The following BMPR2 variants were observed in gnomAD, a reference collection of about 807,000 sequenced individuals.
BMPR2 encodes the protein bone morphogenetic protein receptor type 2, also known as bone morphogenetic protein receptor type-2.
In BMPR2, 29 loss-of-function variants were observed where a neutral mutation model predicts 100.8. That is an observed-to-expected ratio of 0.29 (90% CI 0.21 to 0.39). BMPR2 has a LOEUF of 0.39. Among genes scored for constraint, BMPR2 ranks in the 10% least tolerant of loss-of-function variants. BMPR2 has a pLI of 1.00. For synonymous variants in BMPR2, 382 were observed against 442.3 expected (o/e 0.86, Z 1.71); for missense variants, 1,011 against 1,274.5 (o/e 0.79, Z 3.15).
Position 202,377,523 on chromosome 2 carries a change from A to T in BMPR2, c.49A>T (p.Thr17Ser), listed in dbSNP as rs766753997. ...CTGGCGGGTGCCCTGGCTACCATGG[A>T]CCATCCTGCTGGTCAGCACTGCGGC... ...RPWRVPWLPW[T>S]ILLVSTAAAS... Residue 17 changes from threonine (T) to serine (S), a missense_variant, in exon 1 of 13, where the codon ACC (threonine) becomes TCC (serine). Physicochemically the swap from Thr to Ser is moderately conservative, Grantham distance 58 (BLOSUM62 1). Coordinates refer to ENST00000374580, the MANE Select transcript of BMPR2 (RefSeq NM_001204.7). 3.1e-6 allele frequency: 5 copies of T among 1,613,988 alleles called. No homozygotes were observed. Among genetic ancestry groups the T allele is most frequent in the Non-Finnish European group, 4.2e-6 (5 of 1,180,012 alleles).
chr2:202,552,757 C>T lies in BMPR2; in HGVS notation c.1455C>T (p.Asp485=), dbSNP rs1688504319. 1.2e-6 allele frequency: 2 copies of T among 1,613,894 alleles called. No individual in the cohort carries two copies. The highest frequency in any genetic ancestry group is 2.7e-5 in the African/African-American group (2 of 74,932). Residue 485 remains aspartate, a synonymous_variant, in exon 11 of 13, where the codon GAC becomes GAT. Transcript: ENST00000374580. ...SLKETIEDCW[D]QDAEARLTAQ... ...AGGAGACAATCGAAGACTGTTGGGA[C>T]CAGGATGCAGAGGCTCGGCTTACTG...
chr2:202,416,391 G>A (rs1691125554), intron 1 of BMPR2, among the ~76,000 whole-genome samples: 1 of 151,324 alleles, frequency 6.6e-6, no homozygotes, highest in Non-Finnish European at 1.5e-5. Context: ...CTTCCAAGTA[G>A]CTGGAACTAC....
intron 12 of BMPR2, among the ~76,000 whole-genome samples, chr2:202,558,689 T>A (rs1453873615): frequency 6.7e-6 from 1 of 149,712 alleles, no homozygotes; most frequent in Admixed American, 6.6e-5. Flanking sequence ...AGGTCGGGAG[T>A]TCGAGACCAA....
At chr2:202,494,108 C>T (rs1480428310) in intron 3 of BMPR2, among the ~76,000 whole-genome samples, 1 of 152,190 alleles carries the variant, frequency 6.6e-6, no homozygotes, top group Non-Finnish European at 1.5e-5. Flanking sequence ...CCTATAAAAA[C>T]ATTTGTTCAA....
chr2:202,555,177 A>G, intron 11 of BMPR2, 75 bp from the exon 12 acceptor site: 1 of 1,313,482 alleles, frequency 7.6e-7, no homozygotes, highest in Non-Finnish European at 1.1e-6. Context: ...CTTTAAAATC[A>G]GAGGTGTTAA....
chr2:202,488,997 G>C (rs1202639666), intron 3 of BMPR2, among the ~76,000 whole-genome samples: 1 of 143,032 alleles, frequency 7.0e-6, no homozygotes, highest in South Asian at 2.2e-4. Context: ...CTGTCTTTTT[G>C]TTACTTTTTT....
At chr2:202,486,223 A>G (rs889539534) in intron 3 of BMPR2, among the ~76,000 whole-genome samples, 4 of 152,226 alleles carry the variant, frequency 2.6e-5, no homozygotes, top group Admixed American at 2.6e-4. Context: ...GGAAGGCATA[A>G]TGTCATACAG....
At chr2:202,497,701 C>A (rs1693071323) in intron 3 of BMPR2, among the ~76,000 whole-genome samples, 1 of 152,194 alleles carries the variant, frequency 6.6e-6, no homozygotes, top group Non-Finnish European at 1.5e-5. Context: ...TGACCCTTGC[C>A]CCCTGGGTCC....
chr2:202,535,592 C>G (rs185452659), intron 9 of BMPR2, among the ~76,000 whole-genome samples: 5,336 of 151,712 alleles, frequency 0.035, 133 homozygotes, highest in Middle Eastern at 0.079. Context: ...ACGCTCCCCA[C>G]TTTCCAGACT....
chr2:202,484,413 G>A (rs1280908744), intron 3 of BMPR2, among the ~76,000 whole-genome samples: 2 of 148,574 alleles, frequency 1.3e-5, no homozygotes, highest in Non-Finnish European at 3.0e-5. Context: ...GGTGGCTTAC[G>A]CCTGTAATCC....
chr2:202,537,054 G>T (rs980440903), intron 9 of BMPR2, among the ~76,000 whole-genome samples: 1 of 151,802 alleles, frequency 6.6e-6, no homozygotes, highest in South Asian at 2.1e-4. Flanking sequence ...ATGCCACCAC[G>T]CCCGGCTAGT....
At chr2:202,524,100 C>T (rs1043405484) in intron 7 of BMPR2, among the ~76,000 whole-genome samples, 4 of 152,012 alleles carry the variant, frequency 2.6e-5, no homozygotes, top group Non-Finnish European at 5.9e-5. Flanking sequence ...CGGTGGCTCA[C>T]GCCTGTAATC....
At chr2:202,452,361 C>G (rs1692007799) in intron 1 of BMPR2, among the ~76,000 whole-genome samples, 1 of 152,104 alleles carries the variant, frequency 6.6e-6, no homozygotes. Context: ...ATGGATGTAT[C>G]ACATTTTGTT....
intron 1 of BMPR2, among the ~76,000 whole-genome samples, chr2:202,406,908 C>T (rs1689960308): frequency 1.3e-5 from 2 of 151,912 alleles, no homozygotes; most frequent in Admixed American, 1.3e-4. Flanking sequence ...GAGTCCTGTT[C>T]AGGTGTTATT....
intron 10 of BMPR2, among the ~76,000 whole-genome samples, chr2:202,550,374 C>CAAA (rs71035016): frequency 1.1e-5 from 1 of 94,252 alleles, no homozygotes; most frequent in African/African-American, 3.9e-5. Context: ...CTCCTATCTC[C>CAAA]AAAAAAAAAA....
chr2:202,478,469 G>C (rs765288529), intron 3 of BMPR2, among the ~76,000 whole-genome samples: 2 of 152,206 alleles, frequency 1.3e-5, no homozygotes, highest in Non-Finnish European at 1.5e-5. Flanking sequence ...TAAGTTAACA[G>C]GGCATGGTGG....
At chr2:202,516,404 G>T (rs1667929917) in intron 5 of BMPR2, among the ~76,000 whole-genome samples, 1 of 152,214 alleles carries the variant, frequency 6.6e-6, no homozygotes, top group South Asian at 2.1e-4. Context: ...TGAGTGCTGT[G>T]ACTCACACCT....
At chr2:202,399,487 A>G (rs1203175384) in intron 1 of BMPR2, among the ~76,000 whole-genome samples, 1 of 152,200 alleles carries the variant, frequency 6.6e-6, no homozygotes, top group Non-Finnish European at 1.5e-5. Context: ...GAGCCAAATC[A>G]TTTGGGGATT....
At chr2:202,461,313 C>T (rs559934839) in intron 1 of BMPR2, among the ~76,000 whole-genome samples, 117 of 152,114 alleles carry the variant, frequency 7.7e-4, no homozygotes, top group African/African-American at 2.7e-3. Flanking sequence ...CATGAAACCT[C>T]GTCTCTACTA....
Sources: allele counts gnomAD v4.1 joint callset (sites outside exome capture counted in the v4.1 genomes callset), GRCh38; gene constraint gnomAD v4.1.1; transcripts MANE v1.5; gene names NCBI Gene and HGNC (gene_info 2026-07-23, HGNC 2026-07-21).